Variants in PSMD2 observed in about 807,000 individuals in gnomAD.
The protein encoded by PSMD2 is 26S proteasome non-ATPase regulatory subunit 2.
Under a neutral mutation model 101.5 loss-of-function variants are expected in PSMD2, and 8 were observed. The ratio of observed to expected loss-of-function variants is 0.08; its 90% CI spans 0.05 to 0.14. The LOEUF (loss-of-function observed/expected upper bound fraction) is 0.14, where lower values mean the gene tolerates loss of function less well. Ranked by LOEUF, PSMD2 falls within the 10% of genes least tolerant of loss-of-function variation. PSMD2 has a pLI of 1.00. For synonymous variants in PSMD2, 418 were observed against 433.8 expected (o/e 0.96, Z 0.45); for missense variants, 784 against 1,147.4 (o/e 0.68, Z 4.58).
chr3:184,301,823 T>C (rs1187044296), intron 4 of PSMD2, 24 bp from the exon 5 acceptor site: 8 of 1,613,986 alleles, frequency 5.0e-6, no homozygotes, highest in Non-Finnish European at 6.8e-6. Context: ...CTGTGCTCTC[T>C]TAATCGTCTG....
chr3:184,303,177 T>A, intron 8 of PSMD2, 115 bp downstream of exon 8: 2 of 1,502,342 alleles, frequency 1.3e-6, no homozygotes, highest in Non-Finnish European at 9.2e-7. Flanking sequence ...CTCATGAATC[T>A]TTTTCAGGTC....
chr3:184,307,251 C>T (rs566395029), intron 16 of PSMD2, 106 bp from the exon 17 acceptor site: 20 of 1,313,996 alleles, frequency 1.5e-5, no homozygotes, highest in Middle Eastern at 2.5e-4. Context: ...CCTGCTGTGC[C>T]TTTTCTACAG....
chr3:184,301,418 A>T, intron 3 of PSMD2, 119 bp from the exon 4 acceptor site: 1 of 1,262,932 alleles, frequency 7.9e-7, no homozygotes, highest in South Asian at 1.4e-5. Context: ...TTAAATTTCT[A>T]GTACAGAGAT....
In PSMD2 at chr3:184,308,457, G is replaced by A. The variant is rs1293943269; in HGVS notation, c.2434G>A (p.Gly812Ser). Residue 812 changes from glycine (G) to serine (S), a missense_variant, in exon 20 of 21, where the codon GGC becomes AGC. Gly to Ser is a moderately conservative substitution (Grantham distance 56). This residue lies in a region of PSMD2 where 282 missense variants were observed against 437.6 expected (regional missense o/e 0.64). Coordinates refer to ENST00000310118, the MANE Select transcript of PSMD2 (RefSeq NM_002808.5). This position sits in a 1 kb window ranked among gnomAD's most constrained non-coding sequence, Gnocchi z 6.0. ...SFLDVRNIIL[G>S]KSHYVLYGLV... ...CTGTCTGCTTCCCTCAGTTATTCTA[G>A]GCAAATCACACTATGTATTGTATGG... 13 of 1,607,240 alleles carry A rather than the reference G, an allele frequency of 8.1e-6. No homozygotes were observed. Among genetic ancestry groups the A allele is most frequent in the Non-Finnish European group, 1.1e-5 (13 of 1,177,948 alleles).
rs775994428 is a variant in PSMD2, at chr3:184,306,190, C to A, written c.1804+35C>A. 3 of 1,608,088 alleles carry A rather than the reference C, an allele frequency of 1.9e-6. No individual in the cohort carries two copies. The Admixed American group carries it at 5.0e-5, about 27-fold the overall frequency. ...TTTATGAGTCTGTCTTGTGCTTCCCCAGTGACTCCTCACTTCTTTCTTGGT... is the reference window on the plus strand; with the variant it reads ...TTTATGAGTCTGTCTTGTGCTTCCCAAGTGACTCCTCACTTCTTTCTTGGT... On this transcript the variant is annotated intron_variant, in intron 14 of 20. Coordinates refer to ENST00000310118, the MANE Select transcript of PSMD2 (RefSeq NM_002808.5).
At chr3:184,299,626 T>C (rs1203561541) in intron 1 of PSMD2, 2 of 668,730 alleles carry the variant, frequency 3.0e-6, no homozygotes, top group East Asian at 5.9e-5. Context: ...TGAAGTGGAC[T>C]CGGGCAGGTC....
chr3:184,301,466 T>G (rs1280885520), intron 3 of PSMD2, 71 bp from the exon 4 acceptor site: 4 of 1,568,772 alleles, frequency 2.5e-6, no homozygotes, highest in Admixed American at 3.4e-5. Context: ...ACAATGATCT[T>G]GATTCCACAA....
chr3:184,302,680 G>A lies in PSMD2; in HGVS notation c.865G>A (p.Val289Ile). 4 of 1,614,078 alleles carry A rather than the reference G, an allele frequency of 2.5e-6. No homozygotes were observed. The South Asian group carries it at 3.3e-5, about 13-fold the overall frequency. Residue 289 changes from valine (V) to isoleucine (I), a missense_variant and splice_region_variant, in exon 7 of 21, where the codon GTA becomes ATA. Around this residue, in one of 6 missense-constraint regions of PSMD2, gnomAD observed 208 missense variants for 301.6 expected, o/e 0.69. Transcript: ENST00000310118. The stretch of plus-strand genomic sequence containing the variant: ...CAGATGTACGGGCTCTCTCCACAGG[G>A]TAGTACAGAAACAGATGGCATTCAT... ...EDIFTSCKDV[V>I]VQKQMAFMLG...
Position 184,304,195 on chromosome 3 carries a change from T to A in PSMD2, c.1452-109T>A, listed in dbSNP as rs529666566. On this transcript the variant is annotated intron_variant, in intron 11 of 20. Transcript: ENST00000310118. The surrounding 1 kb of genome is among the most constrained non-coding windows in gnomAD (Gnocchi z 4.1). ...ACTGTGCCTATTGGGTATCTGGCTCTTGGTGAATGTTTGTTGAAATGGTGA... is the reference window on the plus strand; with the variant it reads ...ACTGTGCCTATTGGGTATCTGGCTCATGGTGAATGTTTGTTGAAATGGTGA... The A allele has an allele frequency of 6.4e-7, 1 of 1,551,404 alleles. No homozygotes were observed. The highest frequency in any genetic ancestry group is 1.7e-5 in the Admixed American group (1 of 59,786).
At chr3:184,303,121 G>GGAGT in intron 8 of PSMD2, 59 bp downstream of exon 8, 1 of 1,568,784 alleles carries the variant, frequency 6.4e-7, no homozygotes. Flanking sequence ...CCTTGTATTG[G>GGAGT]GAGTGATGGC....
Position 184,304,499 on chromosome 3 carries a change from T to C in PSMD2, c.1539+108T>C, listed in dbSNP as rs1721763192. On this transcript the variant is annotated intron_variant, in intron 12 of 20. Coordinates refer to ENST00000310118, the MANE Select transcript of PSMD2 (RefSeq NM_002808.5). This position sits in a 1 kb window ranked among gnomAD's most constrained non-coding sequence, Gnocchi z 4.1. Reference sequence around the variant, plus strand: ...GTAAGTGTGTGCATGTGTGCATACATGTACATGCCTGTTGGTGTGTATTGA... The same window carrying C: ...GTAAGTGTGTGCATGTGTGCATACACGTACATGCCTGTTGGTGTGTATTGA... 6 of 1,090,158 alleles carry C rather than the reference T, an allele frequency of 5.5e-6. No homozygotes were observed. The highest frequency in any genetic ancestry group is 8.4e-6 in the Non-Finnish European group (6 of 717,218). The allele number at this position is 1,090,158 out of a possible 1,614,324, so 67.5% of individuals were successfully genotyped here. A position where few individuals can be genotyped will look rare whatever the true frequency, so the allele number is the denominator to read the frequency against.
Position 184,306,395 on chromosome 3 carries a change from G to C in PSMD2, c.1850G>C (p.Ser617Thr), listed in dbSNP as rs1212029412. Residue 617 changes from serine (S) to threonine (T), a missense_variant, in exon 15 of 21, where the codon AGC (serine) becomes ACC (threonine). This residue lies in a region of PSMD2 where 282 missense variants were observed against 437.6 expected (regional missense o/e 0.64). Coordinates refer to ENST00000310118, the MANE Select transcript of PSMD2 (RefSeq NM_002808.5). Reference sequence around the variant, plus strand: ...GTGCAGCAGCTGCTCCACATTTGTAGCGAACACTTTGACTCCAAAGAGAAG... The same window carrying C: ...GTGCAGCAGCTGCTCCACATTTGTACCGAACACTTTGACTCCAAAGAGAAG... The part of the protein sequence containing the change: ...LKVQQLLHIC[S>T]EHFDSKEKEE... 1.2e-6 allele frequency: 2 copies of C among 1,614,018 alleles called. No individual in the cohort carries two copies. Among genetic ancestry groups the C allele is most frequent in the African/African-American group, 1.3e-5 (1 of 74,896 alleles).
Position 184,305,799 on chromosome 3 carries a change from T to C in PSMD2, c.1571T>C (p.Met524Thr), listed in dbSNP as rs1291772833. ...VAGVTALACG[M>T]IAVGSCNGDV... ...GGTGTCACAGCTTTAGCCTGTGGAA[T>C]GATAGCAGTAGGGTCCTGCAATGGA... Residue 524 changes from methionine (M) to threonine (T), a missense_variant, in exon 13 of 21, where the codon ATG (methionine) becomes ACG (threonine). By Grantham distance (81) the Met-to-Thr change is moderately conservative. This residue lies in a region of PSMD2 where 282 missense variants were observed against 437.6 expected (regional missense o/e 0.64). Coordinates refer to ENST00000310118, the MANE Select transcript of PSMD2 (RefSeq NM_002808.5). 2 of 1,614,040 alleles carry C rather than the reference T, an allele frequency of 1.2e-6. No individual in the cohort carries two copies. The highest frequency in any genetic ancestry group is 2.7e-5 in the African/African-American group (2 of 74,948).
Position 184,301,986 on chromosome 3 carries a change from C to T in PSMD2, c.619C>T (p.Leu207=). 1 of 1,614,216 alleles carries T rather than the reference C, an allele frequency of 6.2e-7. No homozygotes were observed. Among genetic ancestry groups the T allele is most frequent in the Non-Finnish European group, 8.5e-7 (1 of 1,180,036 alleles). Residue 207 remains leucine (L), a synonymous_variant, in exon 5 of 21, where the codon CTG becomes TTG. Coordinates refer to ENST00000310118, the MANE Select transcript of PSMD2 (RefSeq NM_002808.5). ...CAATGCAGAGCATGAGGCTTGCGACCTGCTTATGGAAATTGAGCAGGTGGA... is the reference window on the plus strand; with the variant it reads ...CAATGCAGAGCATGAGGCTTGCGACTTGCTTATGGAAATTGAGCAGGTGGA... The part of the protein sequence containing the change: ...AHNAEHEACD[L]LMEIEQVDML...
chr3:184,305,685 G>T lies in PSMD2; in HGVS notation c.1540-83G>T, dbSNP rs113507487. 5,684 of 1,254,826 alleles carry T rather than the reference G, an allele frequency of 4.5e-3. 124 individuals carry two copies. The highest frequency in any genetic ancestry group is 0.04 in the Admixed American group (1,985 of 49,718). The allele number at this position is 1,254,826 out of a possible 1,614,324, so 77.7% of individuals were successfully genotyped here. ...TTATTAGGGAGAATATCTTGCAGTG[G>T]ACTGTAGGAATAGGCTATCTTGAAT... On this transcript the variant is annotated intron_variant, in intron 12 of 20. Coordinates refer to ENST00000310118, the MANE Select transcript of PSMD2 (RefSeq NM_002808.5).
At chr3:184,299,552 G>GCTCCTC in intron 1 of PSMD2, 151 bp downstream of exon 1, 1 of 1,098,426 alleles carries the variant, frequency 9.1e-7, no homozygotes, top group South Asian at 2.2e-5. Flanking sequence ...TTGCCTCTCT[G>GCTCCTC]CTCCTCATTC....
At position 184,302,699 on chromosome 3, in the gene PSMD2, C is replaced by T. The variant is rs751823560; in HGVS notation, c.884C>T (p.Ala295Val). 1 of 1,614,026 alleles carries T rather than the reference C, an allele frequency of 6.2e-7. No individual in the cohort carries two copies. The highest frequency in any genetic ancestry group is 1.1e-5 in the South Asian group (1 of 91,076). The change falls in exon 7 of 21, where the codon GCA becomes GTA. Residue 295 changes from alanine to valine, a missense_variant. By Grantham distance (64) the Ala-to-Val change is moderately conservative (BLOSUM62 0). Transcript: ENST00000310118. Reference sequence around the variant, plus strand: ...CACAGGGTAGTACAGAAACAGATGGCATTCATGCTAGGCCGGCATGGGGTG... The same window carrying T: ...CACAGGGTAGTACAGAAACAGATGGTATTCATGCTAGGCCGGCATGGGGTG... ...CKDVVVQKQM[A>V]FMLGRHGVFL...
At chr3:184,303,111 C>T (rs373953836) in intron 8 of PSMD2, 49 bp downstream of exon 8, 59 of 1,587,422 alleles carry the variant, frequency 3.7e-5, no homozygotes, top group Non-Finnish European at 5.0e-5. Flanking sequence ...TAGGTATGCC[C>T]CTTGTATTGG....
In PSMD2 at chr3:184,308,360, A is replaced by C; in HGVS notation, c.2426-89A>C. The stretch of plus-strand genomic sequence containing the variant: ...GATTCAGTCGTATGACTGACGGGTT[A>C]AAGGGTCAGCGCTGAGGTGGGCTCT... On this transcript the variant is annotated intron_variant, in intron 19 of 20. Coordinates refer to ENST00000310118, the MANE Select transcript of PSMD2 (RefSeq NM_002808.5). The surrounding 1 kb of genome is among the most constrained non-coding windows in gnomAD (Gnocchi z 6.0). The C allele has an allele frequency of 2.8e-6, 3 of 1,063,646 alleles. No individual in the cohort carries two copies. The highest frequency in any genetic ancestry group is 4.1e-6 in the Non-Finnish European group (3 of 725,644). 65.9% of individuals were successfully genotyped at this position (1,063,646 alleles called of 1,614,324 possible).
Sources: gnomAD v4.1 joint callset for allele counts on GRCh38, gnomAD v4.1.1 for gene constraint, gnomAD v4.1.1 regional missense constraint, Gnocchi (gnomAD v3.1) non-coding constraint, MANE v1.5 for transcripts, NCBI Gene and HGNC (gene_info 2026-07-23, HGNC 2026-07-21) for gene names.